Variants in SCHIP1 observed in about 807,000 individuals in gnomAD.
SCHIP1 encodes the protein schwannomin interacting protein 1, also known as schwannomin-interacting protein 1.
Under a neutral mutation model 29.7 loss-of-function variants are expected in SCHIP1, and 8 were observed. The ratio of observed to expected loss-of-function variants is 0.27; its 90% CI spans 0.16 to 0.49. The LOEUF (loss-of-function observed/expected upper bound fraction) is 0.49. Ranked by LOEUF, SCHIP1 falls within the 20% of genes least tolerant of loss-of-function variation. SCHIP1 has a pLI of 0.99. For missense variants in SCHIP1, 193 were observed against 294.6 expected (o/e 0.66, Z 2.52); for synonymous variants, 76 against 94.9 (o/e 0.80, Z 1.16).
At chr3:159,510,202 T>C in the SCHIP1 span, among the ~76,000 whole-genome samples, 4 of 152,110 alleles carry the variant, frequency 2.6e-5, no homozygotes, top group African/African-American at 4.8e-5. Context: ...TCTCTTCTCA[T>C]TTCATTTCAT....
At chr3:159,343,736 A>G in the SCHIP1 span, among the ~76,000 whole-genome samples, 2 of 152,240 alleles carry the variant, frequency 1.3e-5, no homozygotes, top group African/African-American at 2.4e-5. Flanking sequence ...CACAAATTCA[A>G]TCTATCACAT....
the SCHIP1 span, among the ~76,000 whole-genome samples, chr3:159,747,681 G>C: frequency 6.6e-5 from 10 of 152,254 alleles, no homozygotes; most frequent in East Asian, 1.8e-3. Context: ...ATGGCCATGA[G>C]AAGCATAGAC....
At chr3:159,425,428 A>T in the SCHIP1 span, among the ~76,000 whole-genome samples, 1 of 151,746 alleles carries the variant, frequency 6.6e-6, no homozygotes, top group African/African-American at 2.4e-5. Flanking sequence ...ACCAACAAAG[A>T]TCAAAAGAGA....
the SCHIP1 span, among the ~76,000 whole-genome samples, chr3:159,759,320 A>G: frequency 1.3e-5 from 2 of 152,244 alleles, no homozygotes; most frequent in African/African-American, 4.8e-5. Context: ...CATGCATCCA[A>G]GAAGGCCAAC....
chr3:159,661,205 C>T, the SCHIP1 span, among the ~76,000 whole-genome samples: 1 of 152,148 alleles, frequency 6.6e-6, no homozygotes, highest in African/African-American at 2.4e-5. Flanking sequence ...CAGAAAGCAA[C>T]TCCTTTCTGT....
At chr3:159,573,004 AT>A in the SCHIP1 span, among the ~76,000 whole-genome samples, 1 of 147,602 alleles carries the variant, frequency 6.8e-6, no homozygotes, top group Non-Finnish European at 1.5e-5. Flanking sequence ...GCCTATGTGC[AT>A]CTTTGCATGT....
chr3:159,856,546 T>C lies in SCHIP1; in HGVS notation c.31-9617T>C, dbSNP rs534118974. Reference sequence around the variant, plus strand: ...TTTAATATAGAATATGGCAGAAGACTGGCTCCAACTTTGTTCCAGAGCAGA... The same window carrying C: ...TTTAATATAGAATATGGCAGAAGACCGGCTCCAACTTTGTTCCAGAGCAGA... On this transcript the variant is annotated intron_variant, in intron 1 of 6. Transcript: ENST00000445224. 2.0e-5 allele frequency among the ~76,000 whole-genome samples: 3 copies of C among 152,330 alleles called. No homozygotes were observed. The East Asian group carries it at 5.8e-4, about 29-fold the overall frequency.
the SCHIP1 span, among the ~76,000 whole-genome samples, chr3:159,552,493 G>A: frequency 6.6e-6 from 1 of 152,162 alleles, no homozygotes; most frequent in Admixed American, 6.5e-5. Context: ...ATCTAAAGGT[G>A]ACATTACTTC....
chr3:159,657,871 A>G, the SCHIP1 span, among the ~76,000 whole-genome samples: 1 of 152,300 alleles, frequency 6.6e-6, no homozygotes, highest in Non-Finnish European at 1.5e-5. Flanking sequence ...TGGAAGTAGG[A>G]TGTCATTGTC....
chr3:159,279,877 G>C, the SCHIP1 span, among the ~76,000 whole-genome samples: 31 of 152,226 alleles, frequency 2.0e-4, no homozygotes, highest in South Asian at 6.4e-3. Context: ...TTGGAATGCT[G>C]TTGGCCTCAG....
the SCHIP1 span, among the ~76,000 whole-genome samples, chr3:159,315,585 G>T: frequency 6.6e-6 from 1 of 151,628 alleles, no homozygotes; most frequent in Admixed American, 6.6e-5. Flanking sequence ...CAGTTCTAAA[G>T]TAATGTCTAT....
At chr3:159,460,786 G>T in the SCHIP1 span, among the ~76,000 whole-genome samples, 54 of 152,232 alleles carry the variant, frequency 3.5e-4, no homozygotes, top group African/African-American at 1.3e-3. Context: ...TATGAGCAAG[G>T]TTTATGAAGC....
the SCHIP1 span, chr3:159,273,610 G>A: frequency 1.5e-6 from 2 of 1,297,332 alleles, no homozygotes; most frequent in African/African-American, 3.0e-5. Flanking sequence ...GCCAATACTT[G>A]AAGATTTCTG....
the SCHIP1 span, among the ~76,000 whole-genome samples, chr3:159,360,341 C>T: frequency 6.6e-6 from 1 of 152,140 alleles, no homozygotes; most frequent in African/African-American, 2.4e-5. Context: ...TTTTATTTAA[C>T]ATGTGCATAG....
intron 2 of SCHIP1, among the ~76,000 whole-genome samples, chr3:159,885,614 TG>T (rs1716888232): frequency 2.0e-5 from 3 of 152,374 alleles, no homozygotes; most frequent in Admixed American, 2.0e-4. Flanking sequence ...TGCCTGGGTT[TG>T]GGGCTTCCTT....
chr3:159,328,393 G>T, the SCHIP1 span, among the ~76,000 whole-genome samples: 33 of 152,288 alleles, frequency 2.2e-4, no homozygotes, highest in African/African-American at 7.9e-4. Context: ...TGTGACAGAA[G>T]TATGTCAGCA....
chr3:159,690,230 C>CT, the SCHIP1 span, among the ~76,000 whole-genome samples: 1 of 152,046 alleles, frequency 6.6e-6, no homozygotes, highest in Non-Finnish European at 1.5e-5. Flanking sequence ...TGGTCCTGGA[C>CT]TTTTTTGGTT....
chr3:159,897,340 A>G (rs1718134574), exon 7 of SCHIP1: 2 of 152,636 alleles, frequency 1.3e-5, no homozygotes, highest in African/African-American at 2.4e-5. Flanking sequence ...ATGTAAAATA[A>G]AAATTAAAAC....
chr3:159,681,776 T>G, the SCHIP1 span, among the ~76,000 whole-genome samples: 2 of 151,908 alleles, frequency 1.3e-5, no homozygotes, highest in Non-Finnish European at 2.9e-5. Flanking sequence ...TAACTTGGTT[T>G]AACTCAACGT....
Sources: gnomAD v4.1 joint callset for allele counts (sites outside exome capture counted in the v4.1 genomes callset) on GRCh38, gnomAD v4.1.1 for gene constraint, MANE v1.5 for transcripts, NCBI Gene and HGNC (gene_info 2026-07-23, HGNC 2026-07-21) for gene names.